The following ANKDD1A variants were observed in gnomAD, a reference collection of about 807,000 sequenced individuals.
ANKDD1A encodes ankyrin repeat and death domain containing 1A, also known as ankyrin repeat and death domain-containing protein 1A.
In ANKDD1A, 59 loss-of-function variants were observed where a neutral mutation model predicts 63.5. That is an observed-to-expected ratio of 0.93 (90% CI 0.75 to 1.15). The LOEUF is 1.15. Ranked by LOEUF, ANKDD1A falls within the 50% of genes most tolerant of loss-of-function variation. The pLI is 0.00. For missense variants in ANKDD1A, 632 were observed against 656.4 expected, an observed-to-expected ratio of 0.96 and a Z score of 0.41; for synonymous variants, 266 against 263.9, an observed-to-expected ratio of 1.01 and a Z score of -0.08.
rs540572671 is a variant in ANKDD1A, at chr15:64,949,020, C to T, written c.1352-821C>T. ...ATGGTGTTGAGACTGCTGGGTCAAGCGGAAGTGCCACCACACCAAGGGCAG... is the reference window on the plus strand; with the variant it reads ...ATGGTGTTGAGACTGCTGGGTCAAGTGGAAGTGCCACCACACCAAGGGCAG... On this transcript the variant is annotated intron_variant, in intron 13 of 14. Coordinates refer to ENST00000319580, the MANE Select transcript of ANKDD1A (RefSeq NM_182703.6). Among the ~76,000 whole-genome samples, 7 of 152,238 alleles carry T rather than the reference C, an allele frequency of 4.6e-5. No homozygotes were observed. In the East Asian group the frequency reaches 1.4e-3, roughly 29 times the overall value.
intron 1 of ANKDD1A, among the ~76,000 whole-genome samples, chr15:64,915,074 G>A (rs891386169): frequency 2.0e-5 from 3 of 152,220 alleles, no homozygotes; most frequent in Non-Finnish European, 4.4e-5. Flanking sequence ...GGAGGCCGAG[G>A]CAGGCAGATC....
chr15:64,951,136 A>C, intron 14 of ANKDD1A: 1 of 1,146,162 alleles, frequency 8.7e-7, no homozygotes, highest in Non-Finnish European at 1.1e-6. Context: ...AGGTGATTCT[A>C]CTGAAATGCA....
chr15:64,949,864 G>C lies in ANKDD1A; in HGVS notation c.1375G>C (p.Gly459Arg), dbSNP rs547472840. Residue 459 changes from glycine to arginine, a missense_variant, in exon 14 of 15, where the codon GGC becomes CGC. Coordinates refer to ENST00000319580, the MANE Select transcript of ANKDD1A (RefSeq NM_182703.6). ...WTGTRSYQEH[G>R]HRMLLIWLHG... ...AGGCACCAGGAGCTATCAGGAGCAC[G>C]GCCACCGAATGCTGCTCATTTGGCT... 5.0e-6 allele frequency: 8 copies of C among 1,603,118 alleles called. No homozygotes were observed. Among genetic ancestry groups the C allele is most frequent in the Non-Finnish European group, 6.8e-6 (8 of 1,179,878 alleles).
At position 64,933,735 on chromosome 15, in the gene ANKDD1A, G is replaced by A. The variant is rs967822677; in HGVS notation, c.769-401G>A. 2.0e-5 allele frequency among the ~76,000 whole-genome samples: 3 copies of A among 151,730 alleles called. No homozygotes were observed. The East Asian group carries it at 5.8e-4, about 29-fold the overall frequency. On this transcript the variant is annotated intron_variant, in intron 8 of 14. Transcript: ENST00000319580. Reference sequence around the variant, plus strand: ...CAGGCACCTGTAATCCCAGCTACTCGGGAGGCTGAGGCAGGAGAATTACTT... The same window carrying A: ...CAGGCACCTGTAATCCCAGCTACTCAGGAGGCTGAGGCAGGAGAATTACTT...
intron 6 of ANKDD1A, 97 bp downstream of exon 6, chr15:64,927,096 T>C (rs1042156677): frequency 7.7e-7 from 1 of 1,306,246 alleles, no homozygotes; most frequent in East Asian, 2.4e-5. Context: ...CTGACTCCGA[T>C]TGCGCTGGAG....
intron 7 of ANKDD1A, 65 bp from the exon 8 acceptor site, chr15:64,931,422 G>T: frequency 6.7e-7 from 1 of 1,500,190 alleles, no homozygotes. Flanking sequence ...CTCTCACCGT[G>T]GGATTGGGGG....
chr15:64,928,344 G>T (rs575495412), intron 6 of ANKDD1A, among the ~76,000 whole-genome samples: 1 of 152,254 alleles, frequency 6.6e-6, no homozygotes, highest in Non-Finnish European at 1.5e-5. Context: ...GGGGAGGGCA[G>T]TGCCTGCCAG....
At chr15:64,945,474 TTATTA>T (rs1298801752) in intron 12 of ANKDD1A, among the ~76,000 whole-genome samples, 1 of 151,498 alleles carries the variant, frequency 6.6e-6, no homozygotes, top group Non-Finnish European at 1.5e-5. Context: ...ATTCAGCACT[TTATTA>T]TAAAACTGGC....
chr15:64,936,993 G>A (rs955809038), intron 9 of ANKDD1A, among the ~76,000 whole-genome samples: 5 of 152,184 alleles, frequency 3.3e-5, no homozygotes, highest in African/African-American at 1.2e-4. Context: ...AATACTACAT[G>A]GAGATATAAT....
At chr15:64,934,333 G>A in intron 9 of ANKDD1A, 99 bp downstream of exon 9, 1 of 1,173,048 alleles carries the variant, frequency 8.5e-7, no homozygotes, top group Non-Finnish European at 1.2e-6. Context: ...GGATCCTTGG[G>A]GTTGGGGTGC....
chr15:64,927,197 T>C (rs1460145152), intron 6 of ANKDD1A, among the ~76,000 whole-genome samples, 198 bp downstream of exon 6: 1 of 152,192 alleles, frequency 6.6e-6, no homozygotes, highest in Admixed American at 6.5e-5. Context: ...GTGCTACAGG[T>C]TGGTGGCATA....
intron 14 of ANKDD1A, among the ~76,000 whole-genome samples, chr15:64,952,124 CTT>C (rs2085299246): frequency 4.8e-4 from 2 of 4,170 alleles, no homozygotes; most frequent in African/African-American, 3.1e-4. Flanking sequence ...TCTTTCTTCT[CTT>C]TCTTCTTCTT....
At position 64,949,890 on chromosome 15, in the gene ANKDD1A, G is replaced by C. The variant is rs1161735630; in HGVS notation, c.1401G>C (p.Leu467=). 1 of 1,606,342 alleles carries C rather than the reference G, an allele frequency of 6.2e-7. No homozygotes were observed. The highest frequency in any genetic ancestry group is 1.1e-5 in the South Asian group (1 of 91,084). ...GCCACCGAATGCTGCTCATTTGGCT[G>C]CATGGCGTGGCCACGGCTGGTGAGA... The part of the protein sequence containing the change: ...EHGHRMLLIW[L]HGVATAGENP... The change falls in exon 14 of 15, where the codon CTG becomes CTC. Residue 467 remains leucine (L), a synonymous_variant. Coordinates refer to ENST00000319580, the MANE Select transcript of ANKDD1A (RefSeq NM_182703.6).
chr15:64,949,923 C>G lies in ANKDD1A; in HGVS notation c.1434C>G (p.Ser478Arg). 1 of 1,609,326 alleles carries G rather than the reference C, an allele frequency of 6.2e-7. No homozygotes were observed. The highest frequency in any genetic ancestry group is 8.5e-7 in the Non-Finnish European group (1 of 1,179,980). The change falls in exon 14 of 15, where the codon AGC (serine) becomes AGG (arginine). Residue 478 changes from serine (S) to arginine (R), a missense_variant. By Grantham distance (110) the Ser-to-Arg change is moderately radical. Transcript: ENST00000319580. Reference sequence around the variant, plus strand: ...TGGCCACGGCTGGTGAGAACCCCAGCAAAGCGCTGTTCGAGGGCCTCGTGG... The same window carrying G: ...TGGCCACGGCTGGTGAGAACCCCAGGAAAGCGCTGTTCGAGGGCCTCGTGG... The part of the protein sequence containing the change: ...HGVATAGENP[S>R]KALFEGLVAI...
intron 14 of ANKDD1A, among the ~76,000 whole-genome samples, chr15:64,952,357 CCTTCTTCTTTCTT>C (rs2085305742): frequency 7.1e-6 from 1 of 140,736 alleles, no homozygotes; most frequent in African/African-American, 2.7e-5. Context: ...AGTTCTTCCT[CCTTCTTCTTTCTT>C]CTTCCTCTTT....
intron 6 of ANKDD1A, among the ~76,000 whole-genome samples, chr15:64,929,321 G>A (rs536427348): frequency 1.3e-5 from 2 of 152,012 alleles, no homozygotes; most frequent in East Asian, 3.9e-4. Context: ...CTACAGGCAC[G>A]CACCACCACA....
intron 4 of ANKDD1A, among the ~76,000 whole-genome samples, chr15:64,923,707 A>G (rs1010543872): frequency 6.6e-6 from 1 of 152,190 alleles, no homozygotes; most frequent in East Asian, 1.9e-4. Context: ...GGGAGGGGCC[A>G]GCAGGAGGGC....
At position 64,951,350 on chromosome 15, in the gene ANKDD1A, C is replaced by CTTT. The variant is rs68089414; in HGVS notation, c.1483+1380_1483+1381insTTT. ...TTCCTCTTTTTCTTTCTTCTTTCCTCTTCTTTCTTCTTCCTCTTTCTTCTT... is the reference window on the plus strand; with the variant it reads ...TTCCTCTTTTTCTTTCTTCTTTCCTCTTTTTCTTTCTTCTTCCTCTTTCTTCTT... On this transcript the variant is annotated intron_variant, in intron 14 of 14. Transcript: ENST00000319580. 4.6e-5 allele frequency: 22 copies of CTTT among 477,144 alleles called. No individual in the cohort carries two copies. In the African/African-American group the frequency reaches 6.1e-4, roughly 13 times the overall value. The allele number at this position is 477,144 out of a possible 1,614,324, so 29.6% of individuals were successfully genotyped here.
chr15:64,949,746 T>G, intron 13 of ANKDD1A, 95 bp from the exon 14 acceptor site: 1 of 1,533,248 alleles, frequency 6.5e-7, no homozygotes, highest in African/African-American at 1.4e-5. Flanking sequence ...CTGGGCATGT[T>G]CAGGAGGCGG....
Sources: allele counts gnomAD v4.1 joint callset (sites outside exome capture counted in the v4.1 genomes callset), GRCh38; gene constraint gnomAD v4.1.1; transcripts MANE v1.5; gene names NCBI Gene and HGNC (gene_info 2026-07-23, HGNC 2026-07-21).